The following PPP2R2B variants were observed in gnomAD, a reference collection of about 807,000 sequenced individuals.
The protein encoded by PPP2R2B is serine/threonine-protein phosphatase 2A 55 kDa regulatory subunit B beta isoform.
PPP2R2B carries 5 observed loss-of-function variants against 46.0 expected under a neutral mutation model. That is an observed-to-expected ratio of 0.11 (90% CI 0.06 to 0.23). PPP2R2B has a LOEUF of 0.23. Among genes scored for constraint, PPP2R2B ranks in the 10% least tolerant of loss-of-function variants. PPP2R2B has a pLI of 1.00. For missense variants in PPP2R2B, 367 were observed against 575.0 expected, an observed-to-expected ratio of 0.64 and a Z score of 3.70; for synonymous variants, 215 against 206.7, an observed-to-expected ratio of 1.04 and a Z score of -0.34.
chr5:146,987,528 T>C (rs1177201426), intron 1 of PPP2R2B, among the ~76,000 whole-genome samples: 1 of 152,064 alleles, frequency 6.6e-6, no homozygotes. Context: ...TCTTTTATTG[T>C]CTTTGCAATT....
rs184125434 is a variant in PPP2R2B at position 146,855,605 on chromosome 5, G to A, written c.70+22397C>T. The stretch of plus-strand genomic sequence containing the variant: ...TTATCTAGAGCCTTTTTCCCTCTTC[G>A]TTCCTTTTATTAAAGGGAGCTCTTC... On this transcript the variant is annotated intron_variant, in intron 2 of 9. Coordinates refer to ENST00000394411, the MANE Select transcript of PPP2R2B (RefSeq NM_181675.4). Among the ~76,000 whole-genome samples the A allele has an allele frequency of 1.7e-3, 255 of 151,616 alleles. 2 individuals carry two copies. The highest frequency in any genetic ancestry group is 5.6e-3 in the African/African-American group (233 of 41,358).
intron 2 of PPP2R2B, among the ~76,000 whole-genome samples, chr5:147,075,410 A>T (rs1354379341): frequency 6.6e-6 from 1 of 152,180 alleles, no homozygotes; most frequent in Non-Finnish European, 1.5e-5. Context: ...CATGATCTGC[A>T]TAAGTTATGT....
At chr5:146,847,965 C>T (rs1196252777) in intron 2 of PPP2R2B, among the ~76,000 whole-genome samples, 1 of 152,090 alleles carries the variant, frequency 6.6e-6, no homozygotes, top group African/African-American at 2.4e-5. Flanking sequence ...GAAACAAAAG[C>T]TCAGCAAGTT....
chr5:146,945,286 A>T (rs1338966770), intron 1 of PPP2R2B, among the ~76,000 whole-genome samples: 5 of 152,212 alleles, frequency 3.3e-5, no homozygotes, highest in Non-Finnish European at 7.3e-5. Context: ...TCCACTTTTC[A>T]TCAATCACTG....
At chr5:146,789,758 C>T (rs1474835085) in intron 2 of PPP2R2B, among the ~76,000 whole-genome samples, 1 of 151,982 alleles carries the variant, frequency 6.6e-6, no homozygotes, top group East Asian at 1.9e-4. Flanking sequence ...AATAGGTGGT[C>T]AGGGCTGACC....
At chr5:146,620,861 A>G (rs1021442755) in intron 7 of PPP2R2B, among the ~76,000 whole-genome samples, 1 of 152,150 alleles carries the variant, frequency 6.6e-6, no homozygotes, top group Non-Finnish European at 1.5e-5. Context: ...CAGGTGGAAG[A>G]GCTCTCGAGT....
chr5:146,766,351 C>T (rs1754475614), intron 2 of PPP2R2B, among the ~76,000 whole-genome samples: 1 of 152,128 alleles, frequency 6.6e-6, no homozygotes, highest in Non-Finnish European at 1.5e-5. Context: ...AGATGAATTA[C>T]CATTTTCCAG....
intron 2 of PPP2R2B, among the ~76,000 whole-genome samples, chr5:146,808,163 C>G (rs1271165996): frequency 6.6e-6 from 1 of 151,962 alleles, no homozygotes; most frequent in African/African-American, 2.4e-5. Flanking sequence ...TATTTCAAAC[C>G]CAGTCATACA....
chr5:146,646,922 A>G (rs1775619386), intron 6 of PPP2R2B, among the ~76,000 whole-genome samples: 1 of 152,146 alleles, frequency 6.6e-6, no homozygotes, highest in Non-Finnish European at 1.5e-5. Flanking sequence ...GATGAACAAA[A>G]TGAGAAATGG....
Position 146,936,527 on chromosome 5 carries a change from AAG to A in PPP2R2B, c.79+119136_79+119137del, listed in dbSNP as rs1491087868. ...AGGATGGTTTCTCAAAAAAAAAAAA[AAG>A]AAAAAACAAGACATGTCTATTGAGA... On this transcript the variant is annotated intron_variant, in intron 1 of 8. Coordinates refer to the PPP2R2B transcript ENST00000336640. Among the ~76,000 whole-genome samples the A allele has an allele frequency of 4.5e-3, 672 of 148,420 alleles. 7 individuals carry two copies. The highest frequency in any genetic ancestry group is 0.013 in the African/African-American group (537 of 40,386).
chr5:147,045,187 C>G (rs750141409), intron 1 of PPP2R2B, among the ~76,000 whole-genome samples: 4 of 152,160 alleles, frequency 2.6e-5, no homozygotes, highest in Non-Finnish European at 5.9e-5. Flanking sequence ...CTAGTGACCA[C>G]TTATCTCTGT....
chr5:146,739,238 T>C (rs778470869), intron 2 of PPP2R2B, among the ~76,000 whole-genome samples: 5 of 152,194 alleles, frequency 3.3e-5, no homozygotes, highest in Non-Finnish European at 2.9e-5. Context: ...CAAGCTGGTC[T>C]GGAACACTGG....
intron 2 of PPP2R2B, among the ~76,000 whole-genome samples, chr5:146,857,279 G>A (rs578057902): frequency 5.3e-5 from 8 of 152,184 alleles, no homozygotes; most frequent in Admixed American, 2.6e-4. Flanking sequence ...TATATCCTAC[G>A]AGAAACTATG....
At chr5:146,691,356 G>T in intron 4 of PPP2R2B, 116 bp from the exon 5 acceptor site, 1 of 757,558 alleles carries the variant, frequency 1.3e-6, no homozygotes, top group Non-Finnish European at 2.2e-6. Flanking sequence ...TGCTACAGAA[G>T]CTGGCTCACA....
intron 2 of PPP2R2B, among the ~76,000 whole-genome samples, chr5:146,866,479 A>C (rs1761315971): frequency 6.6e-6 from 1 of 152,172 alleles, no homozygotes; most frequent in African/African-American, 2.4e-5. Context: ...GTGTGTAATG[A>C]GTGCTTTTTC....
At chr5:147,008,112 C>T (rs1260992481) in intron 1 of PPP2R2B, among the ~76,000 whole-genome samples, 1 of 152,160 alleles carries the variant, frequency 6.6e-6, no homozygotes, top group Non-Finnish European at 1.5e-5. Flanking sequence ...GGATCACTCC[C>T]ATTTATGTTG....
At chr5:146,692,196 T>C (rs1778896137) in intron 4 of PPP2R2B, among the ~76,000 whole-genome samples, 1 of 152,132 alleles carries the variant, frequency 6.6e-6, no homozygotes. Flanking sequence ...AATGAACAAA[T>C]CTCATCTACC....
intron 2 of PPP2R2B, among the ~76,000 whole-genome samples, chr5:146,849,185 A>G (rs1760191615): frequency 6.6e-6 from 1 of 152,178 alleles, no homozygotes; most frequent in African/African-American, 2.4e-5. Flanking sequence ...TCTGGGTGCT[A>G]GTTGCTACTG....
At chr5:146,683,229 C>T (rs958884204) in intron 5 of PPP2R2B, among the ~76,000 whole-genome samples, 1 of 152,196 alleles carries the variant, frequency 6.6e-6, no homozygotes, top group Non-Finnish European at 1.5e-5. Flanking sequence ...GTGCCCAAGG[C>T]ACCAGTAACT....
Sources: gnomAD v4.1 joint callset for allele counts (sites outside exome capture counted in the v4.1 genomes callset) on GRCh38, gnomAD v4.1.1 for gene constraint, MANE v1.5 for transcripts, NCBI Gene and HGNC (gene_info 2026-07-23, HGNC 2026-07-21) for gene names.